Variants in QTGAL observed in about 807,000 individuals in gnomAD.
QTGAL encodes queuosine-tRNA galactosyltransferase.
chr17:82,996,903 G>T, the QTGAL span, among the ~76,000 whole-genome samples: 8 of 152,148 alleles, frequency 5.3e-5, no homozygotes, highest in Non-Finnish European at 1.2e-4. Flanking sequence ...AATCAAAATG[G>T]ATTAAAGACT....
At chr17:82,963,847 T>TA in the QTGAL span, among the ~76,000 whole-genome samples, 2,632 of 151,332 alleles carry the variant, frequency 0.017, 86 homozygotes, top group African/African-American at 0.059. Context: ...ATAAATTTGC[T>TA]AAAAAAAAAT....
the QTGAL span, among the ~76,000 whole-genome samples, chr17:83,024,668 G>C: frequency 2.0e-5 from 3 of 152,268 alleles, no homozygotes; most frequent in African/African-American, 7.2e-5. Context: ...ACGCCCCCGG[G>C]GCTGAGACTG....
At chr17:83,040,684 C>T in the QTGAL span, among the ~76,000 whole-genome samples, 1 of 152,118 alleles carries the variant, frequency 6.6e-6, no homozygotes, top group Non-Finnish European at 1.5e-5. Flanking sequence ...AATTATTTTG[C>T]ACCTAGAATT....
the QTGAL span, among the ~76,000 whole-genome samples, chr17:82,977,226 A>G: frequency 6.6e-6 from 1 of 152,368 alleles, no homozygotes; most frequent in East Asian, 1.9e-4. Flanking sequence ...AAAGGGGCTT[A>G]CAGGCCGCGA....
the QTGAL span, among the ~76,000 whole-genome samples, chr17:83,042,966 T>C: frequency 0.15 from 22,887 of 152,126 alleles, 1,815 homozygotes; most frequent in African/African-American, 0.21. Flanking sequence ...AAAGAGTCAA[T>C]TGATCAAGAA....
chr17:82,993,593 A>G, the QTGAL span, among the ~76,000 whole-genome samples: 1 of 152,182 alleles, frequency 6.6e-6, no homozygotes, highest in Non-Finnish European at 1.5e-5. Context: ...CAGAAAATCA[A>G]CAAGAAACAT....
chr17:83,048,932 G>T, the QTGAL span: 2 of 666,540 alleles, frequency 3.0e-6, no homozygotes, highest in East Asian at 5.1e-5. Context: ...TAACATGCTT[G>T]TAAGATTCTT....
chr17:83,011,391 GT>G, the QTGAL span: 2 of 152,182 alleles, frequency 1.3e-5, no homozygotes, highest in African/African-American at 4.8e-5. Flanking sequence ...TAATTAGCTG[GT>G]TTCTTGTAAA....
the QTGAL span, among the ~76,000 whole-genome samples, chr17:83,046,683 A>C: frequency 6.6e-6 from 1 of 152,252 alleles, no homozygotes; most frequent in Non-Finnish European, 1.5e-5. Flanking sequence ...AGTATGTTAA[A>C]CACAGAATTA....
chr17:82,980,367 G>A, the QTGAL span, among the ~76,000 whole-genome samples: 3 of 152,112 alleles, frequency 2.0e-5, no homozygotes, highest in Admixed American at 2.0e-4. Context: ...ATCAGTTCTG[G>A]AGTAGACACC....
the QTGAL span, among the ~76,000 whole-genome samples, chr17:83,002,219 G>A: frequency 6.6e-6 from 1 of 152,056 alleles, no homozygotes; most frequent in South Asian, 2.1e-4. Flanking sequence ...CTAACACTCA[G>A]GAGAAAGCCT....
At chr17:82,956,411 G>T in the QTGAL span, among the ~76,000 whole-genome samples, 3 of 152,178 alleles carry the variant, frequency 2.0e-5, no homozygotes, top group African/African-American at 7.2e-5. The surrounding 1 kb of genome is among the most constrained non-coding windows in gnomAD (Gnocchi z 5.7). Context: ...TCTAACAAAT[G>T]TTGGCTTTAT....
the QTGAL span, among the ~76,000 whole-genome samples, chr17:83,007,828 T>A: frequency 4.0e-4 from 61 of 152,314 alleles, no homozygotes; most frequent in African/African-American, 1.4e-3. Context: ...TGGCTTTAAT[T>A]AACCACGAGC....
the QTGAL span, among the ~76,000 whole-genome samples, chr17:82,982,880 C>T: frequency 1.3e-5 from 2 of 151,882 alleles, no homozygotes; most frequent in African/African-American, 4.8e-5. Flanking sequence ...ATCGTATCCA[C>T]GTGGAGTTTC....
At chr17:83,030,042 G>A in the QTGAL span, among the ~76,000 whole-genome samples, 2 of 152,190 alleles carry the variant, frequency 1.3e-5, no homozygotes, top group Admixed American at 6.5e-5. Context: ...TATAATCACA[G>A]AGACAAGTAA....
chr17:82,945,214 T>C, the QTGAL span: 2 of 152,158 alleles, frequency 1.3e-5, no homozygotes, highest in African/African-American at 2.4e-5. Context: ...GAAGAGAGAA[T>C]TAGAAAACTG....
the QTGAL span, among the ~76,000 whole-genome samples, chr17:82,967,922 G>C: frequency 1.3e-5 from 2 of 152,236 alleles, no homozygotes; most frequent in East Asian, 3.9e-4. Context: ...CTGGGCGACA[G>C]AGGGAGACCC....
At chr17:83,051,700 G>A in the QTGAL span, 4 of 1,458,912 alleles carry the variant, frequency 2.7e-6, no homozygotes, top group East Asian at 1.2e-4. Flanking sequence ...CGAGGACCCA[G>A]CCTGCACGGC....
chr17:83,026,321 G>A, the QTGAL span, among the ~76,000 whole-genome samples: 1 of 152,266 alleles, frequency 6.6e-6, no homozygotes, highest in Non-Finnish European at 1.5e-5. Flanking sequence ...CCAGAGGTGT[G>A]TGGACAGGCC....
Sources: allele counts gnomAD v4.1 joint callset (sites outside exome capture counted in the v4.1 genomes callset), GRCh38; gene constraint gnomAD v4.1.1; non-coding constraint Gnocchi (gnomAD v3.1); transcripts MANE v1.5; gene names NCBI Gene and HGNC (gene_info 2026-07-23, HGNC 2026-07-21).